CNTNAP2: variants seen among roughly 807,000 people sequenced by gnomAD.
CNTNAP2 encodes contactin associated protein 2.
CNTNAP2 carries 98 observed loss-of-function variants against 155.2 expected under a neutral mutation model. The observed-to-expected ratio is 0.63, with a 90% confidence interval of 0.54 to 0.75. The LOEUF (loss-of-function observed/expected upper bound fraction) is 0.75, where lower values mean the gene tolerates loss of function less well. Ranked by LOEUF, CNTNAP2 falls within the 30% of genes least tolerant of loss-of-function variation. The pLI, the probability that CNTNAP2 is intolerant of heterozygous loss-of-function variation, is 0.00. For synonymous variants in CNTNAP2, 651 were observed against 631.2 expected, an observed-to-expected ratio of 1.03 and a Z score of -0.47; for missense variants, 1,727 against 1,688.1, an observed-to-expected ratio of 1.02 and a Z score of -0.40.
intron 8 of CNTNAP2, among the ~76,000 whole-genome samples, chr7:147,252,580 A>T (rs1804223006): frequency 6.6e-6 from 1 of 152,232 alleles, no homozygotes; most frequent in Non-Finnish European, 1.5e-5. Flanking sequence ...AGGCTAGAAA[A>T]ATAATTTTTC....
intron 1 of CNTNAP2, among the ~76,000 whole-genome samples, chr7:146,147,575 T>G (rs1797975043): frequency 6.6e-6 from 1 of 152,114 alleles, no homozygotes. Context: ...GGATCAAATT[T>G]CAATTAGTGA....
intron 15 of CNTNAP2, among the ~76,000 whole-genome samples, chr7:148,012,652 T>A (rs1378636867): frequency 6.6e-6 from 1 of 152,222 alleles, no homozygotes; most frequent in Admixed American, 6.5e-5. Context: ...AATTCAGAGT[T>A]GCCTAGTAAA....
At chr7:146,158,413 G>A (rs1284080874) in intron 1 of CNTNAP2, among the ~76,000 whole-genome samples, 3 of 152,160 alleles carry the variant, frequency 2.0e-5, no homozygotes, top group Admixed American at 2.0e-4. Context: ...AGAGAAGAAC[G>A]CTTCAGAGGA....
chr7:147,216,452 T>C (rs1279123865), intron 8 of CNTNAP2, among the ~76,000 whole-genome samples: 1 of 152,222 alleles, frequency 6.6e-6, no homozygotes, highest in Non-Finnish European at 1.5e-5. Context: ...CTCCATCGTA[T>C]AGCCTTTGCT....
At chr7:146,589,763 A>T (rs1429159486) in intron 1 of CNTNAP2, among the ~76,000 whole-genome samples, 2 of 151,978 alleles carry the variant, frequency 1.3e-5, no homozygotes, top group African/African-American at 4.8e-5. Context: ...AAGCCCCCAA[A>T]TATATAATGG....
chr7:148,317,375 T>A (rs1408933916), intron 21 of CNTNAP2, among the ~76,000 whole-genome samples: 1 of 151,430 alleles, frequency 6.6e-6, no homozygotes, highest in Non-Finnish European at 1.5e-5. Flanking sequence ...AAATTCATGG[T>A]ATTATTCTTT....
At position 147,973,160 on chromosome 7, in the gene CNTNAP2, TAAAA is replaced by T. The variant is rs35756000; in HGVS notation, c.2256-4684_2256-4681del. On this transcript the variant is annotated intron_variant, in intron 14 of 23. Transcript: ENST00000361727. ...CAGAGCAAGACCCTGTCTCTAAAAT[TAAAA>T]AAAAAAAAAAAAAAAAAGTAGGTTG... 7.1e-4 allele frequency among the ~76,000 whole-genome samples: 86 copies of T among 120,822 alleles called. 1 individual carries two copies. The highest frequency in any genetic ancestry group is 2.5e-3 in the South Asian group (9 of 3,648). The allele number at this position is 120,822 out of a possible 152,430, so 79.3% of individuals were successfully genotyped here.
At chr7:147,194,929 A>G (rs1282319830) in intron 8 of CNTNAP2, among the ~76,000 whole-genome samples, 3 of 152,164 alleles carry the variant, frequency 2.0e-5, no homozygotes, top group Non-Finnish European at 4.4e-5. Context: ...GTTTAATCAG[A>G]TCCCATTTGT....
intron 9 of CNTNAP2, among the ~76,000 whole-genome samples, chr7:147,301,592 CTGTGTGTG>C (rs10585570): frequency 0.12 from 12,382 of 101,092 alleles, 1,027 homozygotes; most frequent in East Asian, 0.4. Flanking sequence ...CTCTCTCTCT[CTGTGTGTG>C]TGTGTGTGTG....
At chr7:146,919,154 A>G (rs1305762361) in intron 3 of CNTNAP2, among the ~76,000 whole-genome samples, 1 of 152,178 alleles carries the variant, frequency 6.6e-6, no homozygotes, top group Non-Finnish European at 1.5e-5. Context: ...TGTTTAGCTT[A>G]ATAGTTGACC....
At chr7:147,465,714 C>T (rs144036844) in intron 10 of CNTNAP2, among the ~76,000 whole-genome samples, 135 of 152,278 alleles carry the variant, frequency 8.9e-4, no homozygotes, top group African/African-American at 2.3e-3. Context: ...TCTTGGTCCA[C>T]GTGTCTATGT....
At chr7:148,362,682 CAG>C (rs1425862834) in intron 21 of CNTNAP2, among the ~76,000 whole-genome samples, 1 of 152,206 alleles carries the variant, frequency 6.6e-6, no homozygotes, top group Non-Finnish European at 1.5e-5. Flanking sequence ...GCTCTCTTAA[CAG>C]GGGGACTTAC....
At chr7:147,218,897 G>C (rs1435411779) in intron 8 of CNTNAP2, among the ~76,000 whole-genome samples, 1 of 152,066 alleles carries the variant, frequency 6.6e-6, no homozygotes, top group Non-Finnish European at 1.5e-5. Flanking sequence ...CACATACTTT[G>C]CTGCTCTCTT....
chr7:146,754,584 A>T (rs1477607906), intron 1 of CNTNAP2, among the ~76,000 whole-genome samples: 1 of 133,026 alleles, frequency 7.5e-6, no homozygotes, highest in African/African-American at 2.9e-5. Context: ...CTCTCTTTTT[A>T]ACTGAACCTG....
intron 10 of CNTNAP2, among the ~76,000 whole-genome samples, chr7:147,414,941 C>CAAAAAAAAAAAAAAAAAAAAAAA (rs67048724): frequency 1.1e-3 from 55 of 50,930 alleles, no homozygotes; most frequent in Non-Finnish European, 1.8e-3. Context: ...GACTCCTTCT[C>CAAAAAAAAAAAAAAAAAAAAAAA]AAAAAAAAAA....
At chr7:147,116,038 A>G (rs953494487) in intron 5 of CNTNAP2, among the ~76,000 whole-genome samples, 5 of 151,866 alleles carry the variant, frequency 3.3e-5, no homozygotes, top group African/African-American at 9.7e-5. Flanking sequence ...TTTTCTTTTA[A>G]TAGCCCTGTA....
intron 1 of CNTNAP2, among the ~76,000 whole-genome samples, chr7:146,721,891 T>TATATATATATATATATATATATA: frequency 1.2e-5 from 1 of 80,274 alleles, no homozygotes; most frequent in Non-Finnish European, 2.0e-5. Flanking sequence ...ATATATATAT[T>TATATATATATATATATATATATA]TTTTTTTTTT....
chr7:147,718,227 A>G (rs1266098185), intron 13 of CNTNAP2, among the ~76,000 whole-genome samples: 2 of 152,104 alleles, frequency 1.3e-5, no homozygotes, highest in Admixed American at 6.6e-5. Context: ...CCTTTCATAT[A>G]TAGGTATAGG....
Position 147,777,389 on chromosome 7 carries a change from G to T in CNTNAP2, c.2099-126176G>T, listed in dbSNP as rs553780079. On this transcript the variant is annotated intron_variant, in intron 13 of 23. Coordinates refer to ENST00000361727, the MANE Select transcript of CNTNAP2 (RefSeq NM_014141.6). Reference sequence around the variant, plus strand: ...TAGAATGGCAAATGTCTGAAGGTTTGCTGTAAATTCCCTGAGATCTTATAT... The same window carrying T: ...TAGAATGGCAAATGTCTGAAGGTTTTCTGTAAATTCCCTGAGATCTTATAT... 1.3e-5 allele frequency among the ~76,000 whole-genome samples: 2 copies of T among 152,304 alleles called. 1 individual carries two copies. Among genetic ancestry groups the T allele is most frequent in the South Asian group, 4.1e-4 (2 of 4,824 alleles).
Sources: gnomAD v4.1 joint callset for allele counts (sites outside exome capture counted in the v4.1 genomes callset) on GRCh38, gnomAD v4.1.1 for gene constraint, MANE v1.5 for transcripts, NCBI Gene and HGNC (gene_info 2026-07-23, HGNC 2026-07-21) for gene names.